Variants in ARHGEF10L observed in about 807,000 individuals in gnomAD.
ARHGEF10L encodes the protein Rho guanine nucleotide exchange factor 10 like, also known as rho guanine nucleotide exchange factor 10-like protein.
In ARHGEF10L, 69 loss-of-function variants were observed where a neutral mutation model predicts 141.2. That is an observed-to-expected ratio of 0.49 (90% CI 0.40 to 0.60). The LOEUF (loss-of-function observed/expected upper bound fraction) is 0.60, where lower values mean the gene tolerates loss of function less well. ARHGEF10L is among the 20% of genes least tolerant of loss of function. The pLI, the probability that ARHGEF10L is intolerant of heterozygous loss-of-function variation, is 0.00. For missense variants in ARHGEF10L, 1,482 were observed against 1,734.3 expected, an observed-to-expected ratio of 0.85 and a Z score of 2.58; for synonymous variants, 711 against 718.5, an observed-to-expected ratio of 0.99 and a Z score of 0.17.
chr1:17,668,698 T>C (rs569646333), intron 26 of ARHGEF10L, among the ~76,000 whole-genome samples: 2 of 152,298 alleles, frequency 1.3e-5, no homozygotes, highest in East Asian at 1.9e-4. Context: ...CACGCCCCCA[T>C]GTGCAGCCAG....
chr1:17,631,126 G>T (rs570116983), intron 15 of ARHGEF10L, among the ~76,000 whole-genome samples: 163 of 152,074 alleles, frequency 1.1e-3, no homozygotes, highest in African/African-American at 3.8e-3. Flanking sequence ...GAGGCTCAGG[G>T]TGATCTGTCC....
chr1:17,593,087 T>C (rs1474556872), intron 4 of ARHGEF10L, among the ~76,000 whole-genome samples: 2 of 152,162 alleles, frequency 1.3e-5, no homozygotes, highest in Non-Finnish European at 2.9e-5. Flanking sequence ...AGCCTCTTCA[T>C]TGAAGAAGGC....
chr1:17,624,441 A>G lies in ARHGEF10L; in HGVS notation c.1255A>G (p.Ser419Gly), dbSNP rs770914411. The G allele has an allele frequency of 3.7e-6, 6 of 1,614,264 alleles. No homozygotes were observed. Among genetic ancestry groups the G allele is most frequent in the Non-Finnish European group, 4.2e-6 (5 of 1,180,048 alleles). Reference protein sequence around the residue: ...VYSDYVNNFTSAMSIIKKACL... With the variant: ...VYSDYVNNFTGAMSIIKKACL... ...CAGTGACTACGTGAACAACTTCACCAGTGCCATGTCCATCATCAAGAAGGC... is the reference window on the plus strand; with the variant it reads ...CAGTGACTACGTGAACAACTTCACCGGTGCCATGTCCATCATCAAGAAGGC... Residue 419 changes from serine (S) to glycine (G), a missense_variant, in exon 13 of 29, where the codon AGT becomes GGT. Ser to Gly is a moderately conservative substitution (Grantham distance 56). Coordinates refer to ENST00000361221, the MANE Select transcript of ARHGEF10L (RefSeq NM_018125.4).
At chr1:17,527,537 C>T in the ARHGEF10L span, among the ~76,000 whole-genome samples, 2 of 152,178 alleles carry the variant, frequency 1.3e-5, no homozygotes, top group African/African-American at 2.4e-5. Context: ...ACCCCTCACC[C>T]GGAGCCGATC....
the ARHGEF10L span, among the ~76,000 whole-genome samples, chr1:17,521,150 C>T: frequency 6.6e-6 from 1 of 152,184 alleles, no homozygotes; most frequent in Non-Finnish European, 1.5e-5. Context: ...GCTGTTTAGC[C>T]ACAGCTTGAC....
rs2078097919 is a variant in ARHGEF10L at position 17,573,606 on chromosome 1, G to A, written c.-43-6947G>A. 6.6e-6 allele frequency among the ~76,000 whole-genome samples: 1 copy of A among 152,132 alleles called. No individual in the cohort carries two copies. The highest frequency in any genetic ancestry group is 2.4e-5 in the African/African-American group (1 of 41,428). ...GGAGGAAGAGCAGGAGGAGGAGGTA[G>A]AGGAGGGGGGCTGGAGATAGAGTCT... On this transcript the variant is annotated intron_variant, in intron 1 of 28. Transcript: ENST00000361221. The surrounding 1 kb of genome is among the most constrained non-coding windows in gnomAD (Gnocchi z 4.8).
In ARHGEF10L at chr1:17,664,553, G is replaced by A. The variant is rs746268220; in HGVS notation, c.2967G>A (p.Gly989=). ...AGGATGCCGTGTGGGCCAGCTGTGGGCCCCGGGTCACTGTCCTGGAAGCCA... is the reference window on the plus strand; with the variant it reads ...AGGATGCCGTGTGGGCCAGCTGTGGACCCCGGGTCACTGTCCTGGAAGCCA... ...SLEDAVWASC[G]PRVTVLEATT... The change falls in exon 26 of 29, where the codon GGG becomes GGA. Residue 989 remains glycine, a synonymous_variant. Coordinates refer to ENST00000361221, the MANE Select transcript of ARHGEF10L (RefSeq NM_018125.4). The A allele has an allele frequency of 1.2e-5, 20 of 1,606,466 alleles. No individual in the cohort carries two copies. Among genetic ancestry groups the A allele is most frequent in the Non-Finnish European group, 1.6e-5 (19 of 1,178,682 alleles).
chr1:17,529,314 T>C, the ARHGEF10L span, among the ~76,000 whole-genome samples: 1 of 152,222 alleles, frequency 6.6e-6, no homozygotes, highest in Non-Finnish European at 1.5e-5. Flanking sequence ...ATTAAGATCA[T>C]TTAACACAGT....
intron 6 of ARHGEF10L, among the ~76,000 whole-genome samples, chr1:17,605,432 G>T (rs949822494): frequency 5.7e-4 from 86 of 152,166 alleles, no homozygotes; most frequent in Non-Finnish European, 8.7e-4. Context: ...AGGACACTGA[G>T]CAGGAAGCAT....
rs1047928752 is a variant in ARHGEF10L, at chr1:17,656,334, T to A, written c.2706-220T>A. On this transcript the variant is annotated intron_variant, in intron 24 of 28. Coordinates refer to ENST00000361221, the MANE Select transcript of ARHGEF10L (RefSeq NM_018125.4). This position sits in a 1 kb window ranked among gnomAD's most constrained non-coding sequence, Gnocchi z 4.9. ...AGAATGGCTGGCTCTTTTGCCTCCC[T>A]GAGTCCTCTTCGTGACAGAGGTGTC... is the stretch of plus-strand genomic sequence containing the variant. 6.6e-6 allele frequency among the ~76,000 whole-genome samples: 1 copy of A among 152,206 alleles called. No individual in the cohort carries two copies. Among genetic ancestry groups the A allele is most frequent in the Non-Finnish European group, 1.5e-5 (1 of 68,042 alleles).
At position 17,656,625 on chromosome 1, in the gene ARHGEF10L, C is replaced by T; in HGVS notation, c.2777C>T (p.Pro926Leu). The T allele has an allele frequency of 2.5e-6, 4 of 1,613,658 alleles. No individual in the cohort carries two copies. Among genetic ancestry groups the T allele is most frequent in the Non-Finnish European group, 3.4e-6 (4 of 1,180,020 alleles). The change falls in exon 25 of 29, where the codon CCT becomes CTT. Residue 926 changes from proline to leucine, a missense_variant. By Grantham distance (98) the Pro-to-Leu change is moderately conservative. Transcript: ENST00000361221. This position sits in a 1 kb window ranked among gnomAD's most constrained non-coding sequence, Gnocchi z 4.9. ...AGCTGCAGGAGCCCAGGTCTGCAGC[C>T]TGTGCTCTGCCTGCGACACAGCCCC... ...LVSCRSPGLQ[P>L]VLCLRHSPFH...
intron 18 of ARHGEF10L, among the ~76,000 whole-genome samples, chr1:17,635,681 A>C (rs575650993): frequency 6.6e-6 from 1 of 151,956 alleles, no homozygotes; most frequent in East Asian, 1.9e-4. Flanking sequence ...TGCTCTCGAG[A>C]CCTCTGGTAC....
the ARHGEF10L span, among the ~76,000 whole-genome samples, chr1:17,534,267 C>T: frequency 9.9e-5 from 15 of 152,130 alleles, no homozygotes; most frequent in African/African-American, 2.9e-4. Context: ...GGACTACAGG[C>T]GCCCGCCTCC....
At chr1:17,514,575 G>T in the ARHGEF10L span, among the ~76,000 whole-genome samples, 1 of 152,194 alleles carries the variant, frequency 6.6e-6, no homozygotes, top group African/African-American at 2.4e-5. Flanking sequence ...TGGGAGGGTT[G>T]TTTGGGATTG....
At chr1:17,633,795 C>CG (rs1300961021) in intron 16 of ARHGEF10L, among the ~76,000 whole-genome samples, 1 of 152,206 alleles carries the variant, frequency 6.6e-6, no homozygotes, top group Non-Finnish European at 1.5e-5. Flanking sequence ...GGCCCTGTAC[C>CG]GAGTCAGCTT....
chr1:17,513,454 A>G, the ARHGEF10L span, among the ~76,000 whole-genome samples: 218 of 152,294 alleles, frequency 1.4e-3, 1 homozygote, highest in Non-Finnish European at 2.6e-3. Context: ...GAGGGCATTC[A>G]TTCTCCAAGG....
chr1:17,656,664 C>T lies in ARHGEF10L; in HGVS notation c.2816C>T (p.Ala939Val). 1 of 1,613,672 alleles carries T rather than the reference C, an allele frequency of 6.2e-7. No homozygotes were observed. Among genetic ancestry groups the T allele is most frequent in the Non-Finnish European group, 8.5e-7 (1 of 1,180,018 alleles). ...CGACACAGCCCCTTCCACCTGCTCG[C>T]TGGCCTGCAGGATGGGACCCTTGCT... Reference protein sequence around the residue: ...CLRHSPFHLLAGLQDGTLAAY... With the variant: ...CLRHSPFHLLVGLQDGTLAAY... The change falls in exon 25 of 29, where the codon GCT (alanine) becomes GTT (valine). Residue 939 changes from alanine to valine, a missense_variant. Around this residue, in one of 3 missense-constraint regions of ARHGEF10L, gnomAD observed 858 missense variants for 966.3 expected, o/e 0.89. Transcript: ENST00000361221. This position sits in a 1 kb window ranked among gnomAD's most constrained non-coding sequence, Gnocchi z 4.9.
chr1:17,523,946 T>G, the ARHGEF10L span, among the ~76,000 whole-genome samples: 1 of 152,128 alleles, frequency 6.6e-6, no homozygotes, highest in African/African-American at 2.4e-5. Context: ...GTCTCTTCTG[T>G]GACTGTGAAA....
intron 15 of ARHGEF10L, among the ~76,000 whole-genome samples, chr1:17,630,697 C>G (rs536832268): frequency 1.8e-4 from 27 of 152,342 alleles, no homozygotes; most frequent in Admixed American, 1.1e-3. Flanking sequence ...GTTTCCTCAC[C>G]TGGGCAATGG....
Sources: gnomAD v4.1 joint callset for allele counts (sites outside exome capture counted in the v4.1 genomes callset) on GRCh38, gnomAD v4.1.1 for gene constraint, gnomAD v4.1.1 regional missense constraint, Gnocchi (gnomAD v3.1) non-coding constraint, MANE v1.5 for transcripts, NCBI Gene and HGNC (gene_info 2026-07-23, HGNC 2026-07-21) for gene names.